The following GRIP1 variants were observed in gnomAD, a reference collection of about 807,000 sequenced individuals.
The protein encoded by GRIP1 is glutamate receptor-interacting protein 1.
A neutral mutation model predicts 129.9 loss-of-function variants in GRIP1; 45 were observed. That is an observed-to-expected ratio of 0.35 (90% confidence interval 0.27 to 0.44). The LOEUF (loss-of-function observed/expected upper bound fraction) is 0.44. GRIP1 is among the 20% of genes least tolerant of loss of function. The probability of loss-of-function intolerance (pLI) is 1.00; values close to 1 mark genes in which losing one functional copy is unlikely to be tolerated. For missense variants in GRIP1, 1,196 were observed against 1,396.8 expected, an observed-to-expected ratio of 0.86 and a Z score of 2.29; for synonymous variants, 530 against 520.8, an observed-to-expected ratio of 1.02 and a Z score of -0.24.
intron 2 of GRIP1, 92 bp downstream of exon 2, chr12:66,596,755 T>C (rs1306462694): frequency 1.6e-5 from 12 of 742,848 alleles, no homozygotes; most frequent in Non-Finnish European, 2.9e-5. Context: ...ATTATTATTA[T>C]TATTATTTTT....
chr12:66,529,258 C>T (rs1230211387), intron 5 of GRIP1, among the ~76,000 whole-genome samples: 1 of 152,144 alleles, frequency 6.6e-6, no homozygotes, highest in African/African-American at 2.4e-5. Flanking sequence ...AAAAGTAGAA[C>T]TATCATTTGA....
chr12:66,659,384 A>C (rs1452793071), intron 1 of GRIP1, among the ~76,000 whole-genome samples: 1 of 152,248 alleles, frequency 6.6e-6, no homozygotes, highest in Non-Finnish European at 1.5e-5. Flanking sequence ...CCAGAGTTTT[A>C]TCTCACACGT....
At position 66,676,936 on chromosome 12, in the gene GRIP1, T is replaced by C. The variant is rs2034364286; in HGVS notation, c.55+1914A>G. Among the ~76,000 whole-genome samples, 3 of 152,192 alleles carry C rather than the reference T, an allele frequency of 2.0e-5. No homozygotes were observed. The South Asian group carries it at 6.2e-4, about 32-fold the overall frequency. The stretch of plus-strand genomic sequence containing the variant: ...GAACTTGAACGTTGTTGGACAAGAC[T>C]GAAGCAGATGGCAAGGCAAGGTACC... On this transcript the variant is annotated intron_variant, in intron 1 of 24. Transcript: ENST00000359742.
intron 7 of GRIP1, among the ~76,000 whole-genome samples, chr12:66,486,509 G>A (rs576450803): frequency 7.6e-4 from 115 of 152,206 alleles, no homozygotes; most frequent in South Asian, 1.2e-3. Flanking sequence ...AGTTTCCCCC[G>A]TACTATTCTC....
At chr12:66,600,888 A>G (rs2064246832) in intron 1 of GRIP1, among the ~76,000 whole-genome samples, 1 of 152,232 alleles carries the variant, frequency 6.6e-6, no homozygotes, top group Non-Finnish European at 1.5e-5. Flanking sequence ...GCAATCATTA[A>G]GGGCATCTCA....
chr12:66,348,821 T>C lies in GRIP1; in HGVS notation c.*198A>G, dbSNP rs531866966. 17 of 619,108 alleles carry C rather than the reference T, an allele frequency of 2.7e-5. No individual in the cohort carries two copies. The highest frequency in any genetic ancestry group is 8.0e-5 in the Admixed American group (3 of 37,348). 38.4% of individuals were successfully genotyped at this position (619,108 alleles called of 1,614,324 possible). A position where few individuals can be genotyped will look rare whatever the true frequency, so the allele number is the denominator to read the frequency against. Reference sequence around the variant, plus strand: ...GCAGGGCATTGCCCACCATATACCATAGTGGTCACCAAAAAAGAAACCTCT... The same window carrying C: ...GCAGGGCATTGCCCACCATATACCACAGTGGTCACCAAAAAAGAAACCTCT... On this transcript the variant is annotated 3_prime_UTR_variant, in exon 25 of 25. Coordinates refer to ENST00000359742, the MANE Select transcript of GRIP1 (RefSeq NM_001366722.1).
intron 3 of GRIP1, among the ~76,000 whole-genome samples, chr12:66,540,613 G>A (rs1015897316): frequency 9.2e-5 from 14 of 152,162 alleles, no homozygotes; most frequent in African/African-American, 3.4e-4. Context: ...GCAATCCACT[G>A]GATTAAGTTT....
At chr12:66,390,659 C>A (rs2056548920) in intron 19 of GRIP1, among the ~76,000 whole-genome samples, 1 of 152,120 alleles carries the variant, frequency 6.6e-6, no homozygotes, top group African/African-American at 2.4e-5. Context: ...CAATAGCACC[C>A]TCACAAAAAT....
intron 1 of GRIP1, among the ~76,000 whole-genome samples, chr12:66,877,501 T>C (rs971583046): frequency 6.6e-6 from 1 of 152,050 alleles, no homozygotes; most frequent in African/African-American, 2.4e-5. Context: ...TAAGATTCTA[T>C]TTCACCTTAT....
intron 2 of GRIP1, among the ~76,000 whole-genome samples, chr12:66,572,667 G>C (rs1215258356): frequency 1.3e-5 from 2 of 152,152 alleles, no homozygotes; most frequent in Non-Finnish European, 2.9e-5. Context: ...GAGCTATCTG[G>C]CTCAACGCCT....
chr12:66,448,235 A>G (rs2058685794), intron 11 of GRIP1, among the ~76,000 whole-genome samples: 1 of 151,866 alleles, frequency 6.6e-6, no homozygotes, highest in African/African-American at 2.4e-5. Flanking sequence ...TGCCACTACT[A>G]TTTCTGTGAA....
intron 1 of GRIP1, among the ~76,000 whole-genome samples, chr12:67,019,670 T>C (rs901267754): frequency 5.3e-5 from 8 of 152,088 alleles, no homozygotes; most frequent in African/African-American, 1.9e-4. Flanking sequence ...TGAGGATGAC[T>C]AGGCCAGAAA....
intron 2 of GRIP1, chr12:66,568,957 G>C: frequency 3.9e-6 from 2 of 518,970 alleles, no homozygotes. Context: ...CCAGGGACTA[G>C]GTTGATACAC....
chr12:66,918,882 G>A (rs1260318280), intron 1 of GRIP1, among the ~76,000 whole-genome samples: 1 of 151,930 alleles, frequency 6.6e-6, no homozygotes, highest in Non-Finnish European at 1.5e-5. Flanking sequence ...AAAACTAAGG[G>A]TACATGAAAA....
chr12:66,779,676 T>C (rs1413434195), intron 1 of GRIP1, among the ~76,000 whole-genome samples: 1 of 152,262 alleles, frequency 6.6e-6, no homozygotes, highest in Non-Finnish European at 1.5e-5. Context: ...TTATTGAACA[T>C]CTGTGTAACA....
intron 1 of GRIP1, among the ~76,000 whole-genome samples, chr12:66,778,294 T>C (rs1274353923): frequency 1.3e-5 from 2 of 152,198 alleles, no homozygotes; most frequent in East Asian, 3.9e-4. Context: ...AGACATATTA[T>C]TAAAAGTGGC....
rs554177605 is a variant in GRIP1, at chr12:66,362,531, G to C, written c.3013-8968C>G. 1.7e-3 allele frequency among the ~76,000 whole-genome samples: 252 copies of C among 152,022 alleles called. 3 individuals are homozygous for C. Among genetic ancestry groups the C allele is most frequent in the African/African-American group, 5.4e-3 (221 of 41,278 alleles). On this transcript the variant is annotated intron_variant, in intron 23 of 24. Coordinates refer to ENST00000359742, the MANE Select transcript of GRIP1 (RefSeq NM_001366722.1). ...AGTGGAGGAGGAGGACGATAGGACT[G>C]TTCTCCAAGAATCTGGACATGAGGG...
At chr12:66,807,703 C>T (rs944463036), upstream of GRIP1, among the ~76,000 whole-genome samples, 1 of 151,934 alleles carries the variant, frequency 6.6e-6, no homozygotes, top group Non-Finnish European at 1.5e-5. Context: ...TGCTCCTGCT[C>T]TGGTCAAGTG....
intron 1 of GRIP1, among the ~76,000 whole-genome samples, chr12:66,745,674 T>C (rs2036922244): frequency 6.6e-6 from 1 of 152,126 alleles, no homozygotes; most frequent in Non-Finnish European, 1.5e-5. Flanking sequence ...ATAAAAAGGA[T>C]AAGACTTGAC....
Sources: allele counts gnomAD v4.1 joint callset (sites outside exome capture counted in the v4.1 genomes callset), GRCh38; gene constraint gnomAD v4.1.1; transcripts MANE v1.5; gene names NCBI Gene and HGNC (gene_info 2026-07-23, HGNC 2026-07-21).